Variants in RPS6KA2 observed in about 807,000 individuals in gnomAD.
RPS6KA2 encodes the protein ribosomal protein S6 kinase A2.
A neutral mutation model predicts 91.8 loss-of-function variants in RPS6KA2; 42 were observed. That is an observed-to-expected ratio of 0.46 (90% CI 0.36 to 0.59). The LOEUF (loss-of-function observed/expected upper bound fraction) is 0.59, where lower values mean the gene tolerates loss of function less well. Ranked by LOEUF, RPS6KA2 falls within the 20% of genes least tolerant of loss-of-function variation. The pLI is 0.00. For synonymous variants in RPS6KA2, 414 were observed against 393.6 expected, an observed-to-expected ratio of 1.05 and a Z score of -0.61; for missense variants, 798 against 978.5, an observed-to-expected ratio of 0.82 and a Z score of 2.46.
At chr6:166,430,848 A>G (rs1429705172) in intron 15 of RPS6KA2, among the ~76,000 whole-genome samples, 1 of 152,166 alleles carries the variant, frequency 6.6e-6, no homozygotes. Context: ...GGGACTGAGT[A>G]AGGACATACA....
intron 2 of RPS6KA2, among the ~76,000 whole-genome samples, chr6:166,827,287 A>C: frequency 8.4e-6 from 1 of 119,384 alleles, no homozygotes; most frequent in East Asian, 2.5e-4. Context: ...AAAAAAAAAA[A>C]TGCTTCTGGA....
At chr6:166,427,721 A>C (rs1778976750) in intron 16 of RPS6KA2, among the ~76,000 whole-genome samples, 1 of 152,188 alleles carries the variant, frequency 6.6e-6, no homozygotes, top group South Asian at 2.1e-4. Context: ...AAGAGAATAA[A>C]ATACCTAGGA....
At position 166,557,173 on chromosome 6, in the gene RPS6KA2, TCCTC is replaced by T. The variant is rs564999226; in HGVS notation, c.100-18393_100-18390del. Among the ~76,000 whole-genome samples the T allele has an allele frequency of 2.8e-3, 422 of 152,284 alleles. 1 individual carries two copies. Among genetic ancestry groups the T allele is most frequent in the African/African-American group, 8.9e-3 (369 of 41,564 alleles). On this transcript the variant is annotated intron_variant, in intron 1 of 20. Transcript: ENST00000265678. The surrounding 1 kb of genome is among the most constrained non-coding windows in gnomAD (Gnocchi z 4.8). ...CATGCCCTCCCCCTCTCTGCTAAGTTCCTCCCTGATCTACGGCAGGCAGTTCCCA... is the reference window on the plus strand; with the variant it reads ...CATGCCCTCCCCCTCTCTGCTAAGTTCCTGATCTACGGCAGGCAGTTCCCA...
At chr6:166,564,361 TC>T (rs1784430096) in intron 1 of RPS6KA2, among the ~76,000 whole-genome samples, 1 of 152,090 alleles carries the variant, frequency 6.6e-6, no homozygotes, top group South Asian at 2.1e-4. Flanking sequence ...TGGAGGGGCC[TC>T]CCTCTCCCCA....
At chr6:166,588,953 G>T (rs1011294859) in intron 1 of RPS6KA2, among the ~76,000 whole-genome samples, 5 of 152,180 alleles carry the variant, frequency 3.3e-5, no homozygotes, top group African/African-American at 7.2e-5. Flanking sequence ...TTCCAAATTG[G>T]GGGGAGGAGG....
intron 1 of RPS6KA2, among the ~76,000 whole-genome samples, chr6:166,572,952 G>A (rs1184740127): frequency 6.6e-6 from 1 of 152,244 alleles, no homozygotes; most frequent in Non-Finnish European, 1.5e-5. Flanking sequence ...GGGAGCCCCT[G>A]CGTGGTCAGA....
intron 1 of RPS6KA2, among the ~76,000 whole-genome samples, chr6:166,602,636 C>T (rs376863852): frequency 5.3e-5 from 8 of 152,256 alleles, no homozygotes; most frequent in African/African-American, 1.9e-4. Flanking sequence ...TTATATGACA[C>T]GTAAACTGCA....
chr6:166,602,083 C>T (rs1399234677), intron 1 of RPS6KA2, among the ~76,000 whole-genome samples: 1 of 152,214 alleles, frequency 6.6e-6, no homozygotes, highest in Non-Finnish European at 1.5e-5. Context: ...GCAAAGAGAA[C>T]TATCAATGCC....
chr6:166,840,569 C>T (rs73270724), intron 2 of RPS6KA2, among the ~76,000 whole-genome samples: 10,715 of 152,214 alleles, frequency 0.07, 1,250 homozygotes, highest in African/African-American at 0.24. Flanking sequence ...TGAGGATATG[C>T]AATGCTAGAC....
intron 2 of RPS6KA2, among the ~76,000 whole-genome samples, chr6:166,836,967 C>A (rs980699833): frequency 1.3e-5 from 2 of 152,166 alleles, no homozygotes; most frequent in African/African-American, 4.8e-5. Flanking sequence ...CGGGCACCTG[C>A]AGCTGAGCTT....
chr6:166,654,727 C>G (rs763550590), intron 2 of RPS6KA2, among the ~76,000 whole-genome samples: 4 of 152,200 alleles, frequency 2.6e-5, no homozygotes, highest in Non-Finnish European at 5.9e-5. Flanking sequence ...GTTTCATAGT[C>G]TGGACTGATT....
rs191523466 is a variant in RPS6KA2, at chr6:166,720,312, T to A, written c.123+137888A>T. 2.0e-5 allele frequency among the ~76,000 whole-genome samples: 3 copies of A among 152,338 alleles called. No homozygotes were observed. In the East Asian group the frequency reaches 5.8e-4, roughly 29 times the overall value. Reference sequence around the variant, plus strand: ...TCATAAGTTGGGAACATCATATTAATTACATTATTCATCTTCTAAGCTCAC... The same window carrying A: ...TCATAAGTTGGGAACATCATATTAAATACATTATTCATCTTCTAAGCTCAC... On this transcript the variant is annotated intron_variant, in intron 2 of 21. Coordinates refer to the RPS6KA2 transcript ENST00000503859.
At chr6:166,514,446 G>C (rs1307770962) in intron 3 of RPS6KA2, among the ~76,000 whole-genome samples, 3 of 152,160 alleles carry the variant, frequency 2.0e-5, no homozygotes, top group African/African-American at 4.8e-5. Flanking sequence ...AGCCTTACAG[G>C]GGACCCGGGA....
intron 19 of RPS6KA2, 123 bp from the exon 20 acceptor site, chr6:166,414,054 C>T: frequency 1.2e-6 from 1 of 807,798 alleles, no homozygotes; most frequent in Non-Finnish European, 1.9e-6. Flanking sequence ...GAGTGTGGGT[C>T]TTTGCATTTT....
intron 2 of RPS6KA2, among the ~76,000 whole-genome samples, chr6:166,822,903 T>G (rs1779938938): frequency 6.6e-6 from 1 of 152,242 alleles, no homozygotes; most frequent in Non-Finnish European, 1.5e-5. Flanking sequence ...TCCTCAGTCA[T>G]AACTTTTTCT....
rs866228575 is a variant in RPS6KA2 at position 166,770,158 on chromosome 6, T to A, written c.123+88042A>T. 6.6e-6 allele frequency among the ~76,000 whole-genome samples: 1 copy of A among 152,188 alleles called. No individual in the cohort carries two copies. Among genetic ancestry groups the A allele is most frequent in the Non-Finnish European group, 1.5e-5 (1 of 68,024 alleles). On this transcript the variant is annotated intron_variant, in intron 2 of 21. Coordinates refer to the RPS6KA2 transcript ENST00000503859. This position sits in a 1 kb window ranked among gnomAD's most constrained non-coding sequence, Gnocchi z 5.1. The stretch of plus-strand genomic sequence containing the variant: ...CCCAAGGATGATCAATCCCATGGTG[T>A]CACAACCACATGTGGCGTGACTACC...
intron 2 of RPS6KA2, among the ~76,000 whole-genome samples, chr6:166,792,134 A>G (rs1779106397): frequency 1.3e-5 from 2 of 152,224 alleles, no homozygotes; most frequent in African/African-American, 4.8e-5. Flanking sequence ...AGACTAATAA[A>G]GAAGAAAAGA....
chr6:166,516,753 C>T (rs1475888734), intron 3 of RPS6KA2, among the ~76,000 whole-genome samples: 1 of 152,222 alleles, frequency 6.6e-6, no homozygotes, highest in Non-Finnish European at 1.5e-5. Context: ...AGCAGGCCAT[C>T]CGTCATTCCA....
chr6:166,702,250 T>C, intron 2 of RPS6KA2: 2 of 1,612,974 alleles, frequency 1.2e-6, no homozygotes, highest in Non-Finnish European at 8.5e-7. Flanking sequence ...GCAAATCACA[T>C]GGTTTCTGCT....
Sources: allele counts gnomAD v4.1 joint callset (sites outside exome capture counted in the v4.1 genomes callset), GRCh38; gene constraint gnomAD v4.1.1; non-coding constraint Gnocchi (gnomAD v3.1); transcripts MANE v1.5; gene names NCBI Gene and HGNC (gene_info 2026-07-23, HGNC 2026-07-21).